KBTBD2: variants seen among roughly 807,000 people sequenced by gnomAD.
The protein encoded by KBTBD2 is kelch repeat and BTB domain-containing protein 2.
In KBTBD2, 17 loss-of-function variants were observed where a neutral mutation model predicts 57.1. The observed-to-expected ratio is 0.30, with a 90% confidence interval of 0.20 to 0.45. The LOEUF (loss-of-function observed/expected upper bound fraction) is 0.45, where lower values mean the gene tolerates loss of function less well. KBTBD2 is among the 20% of genes least tolerant of loss of function. The pLI is 1.00. For missense variants in KBTBD2, 515 were observed against 750.6 expected (o/e 0.69, Z 3.67); for synonymous variants, 267 against 262.7 (o/e 1.02, Z -0.16).
chr7:32,878,586 A>AG (rs1022753002), intron 2 of KBTBD2, among the ~76,000 whole-genome samples: 4 of 151,666 alleles, frequency 2.6e-5, no homozygotes, highest in African/African-American at 9.7e-5. Context: ...TCGTCTCAAA[A>AG]AAAAAAAACA....
At position 32,870,273 on chromosome 7, in the gene KBTBD2, T is replaced by C; in HGVS notation, c.944A>G (p.Asp315Gly). The change falls in exon 4 of 4, where the codon GAT (aspartate) becomes GGT (glycine). Residue 315 changes from aspartate (D) to glycine (G), a missense_variant. Asp to Gly is a moderately conservative substitution (Grantham distance 94). Transcript: ENST00000304056. Reference protein sequence around the residue: ...LHKVGTVVTPDNDIYIAGGQV... With the variant: ...LHKVGTVVTPGNDIYIAGGQV... ...ACCCCCTGCTATGTAGATATCATTA[T>C]CAGGAGTTACAACGGTCCCAACCTT... The C allele has an allele frequency of 6.2e-7, 1 of 1,614,204 alleles. No individual in the cohort carries two copies. The highest frequency in any genetic ancestry group is 8.5e-7 in the Non-Finnish European group (1 of 1,180,016).
At chr7:32,871,051 A>G (rs184648316) in intron 3 of KBTBD2, among the ~76,000 whole-genome samples, 171 bp from the exon 4 acceptor site, 15 of 152,336 alleles carry the variant, frequency 9.8e-5, no homozygotes, top group African/African-American at 3.6e-4. Context: ...TCAGAAGACT[A>G]TAAAATTTTG....
At chr7:32,877,075 G>A (rs2127951975) in intron 2 of KBTBD2, among the ~76,000 whole-genome samples, 1 of 152,260 alleles carries the variant, frequency 6.6e-6, no homozygotes, top group East Asian at 1.9e-4. Flanking sequence ...CTGGAGTGCA[G>A]TGGTGGTATC....
intron 1 of KBTBD2, among the ~76,000 whole-genome samples, chr7:32,887,136 A>C (rs1342700045): frequency 6.6e-6 from 1 of 152,330 alleles, no homozygotes; most frequent in South Asian, 2.1e-4. Context: ...AGGAACGAAT[A>C]AAGGATTAAA....
chr7:32,882,420 G>A (rs568621982), intron 1 of KBTBD2, among the ~76,000 whole-genome samples: 83 of 152,114 alleles, frequency 5.5e-4, no homozygotes, highest in Non-Finnish European at 1.1e-3. Context: ...TGATTTTGGG[G>A]AGGCCTCATT....
chr7:32,869,333 T>C lies in KBTBD2; in HGVS notation c.*12A>G, dbSNP rs62467365. ...GCACATAACTCAGGCGTGCACTCCC[T>C]GAACTTCCCCACTATACAGGTGGTA... is the stretch of plus-strand genomic sequence containing the variant. On this transcript the variant is annotated 3_prime_UTR_variant, in exon 4 of 4. Transcript: ENST00000304056. 0.058 allele frequency: 90,981 copies of C among 1,576,116 alleles called. 3,066 individuals carry two copies. Among genetic ancestry groups the C allele is most frequent in the East Asian group, 0.15 (6,470 of 44,562 alleles).
At position 32,877,007 on chromosome 7, in the gene KBTBD2, A is replaced by G. The variant is rs892150160; in HGVS notation, c.171-1850T>C. On this transcript the variant is annotated intron_variant, in intron 2 of 3. Coordinates refer to ENST00000304056, the MANE Select transcript of KBTBD2 (RefSeq NM_015483.3). ...ACAAAACCCACTATAAAGAGCCAAT[A>G]GGATCTGGTGCTTTTCTTTTTCTTT... 5.1e-4 allele frequency among the ~76,000 whole-genome samples: 75 copies of G among 148,254 alleles called. 1 individual carries two copies. Among genetic ancestry groups the G allele is most frequent in the African/African-American group, 1.9e-3 (74 of 38,980 alleles).
Position 32,879,843 on chromosome 7 carries a change from G to C in KBTBD2, c.-239C>G, listed in dbSNP as rs1784404634. ...TTTTTCAACACAGTCTGCAGACATT[G>C]TGCTCAAATCTGCAATTGTGCAGCT... is the stretch of plus-strand genomic sequence containing the variant. On this transcript the variant is annotated 5_prime_UTR_variant, in exon 2 of 4. Coordinates refer to ENST00000304056, the MANE Select transcript of KBTBD2 (RefSeq NM_015483.3). The C allele has an allele frequency of 2.4e-6, 1 of 420,462 alleles. No individual in the cohort carries two copies. Among genetic ancestry groups the C allele is most frequent in the African/African-American group, 2.1e-5 (1 of 48,094 alleles). 26.0% of individuals were successfully genotyped at this position (420,462 alleles called of 1,614,324 possible).
chr7:32,881,489 T>C (rs1784443265), intron 1 of KBTBD2, among the ~76,000 whole-genome samples: 1 of 151,866 alleles, frequency 6.6e-6, no homozygotes, highest in African/African-American at 2.4e-5. Flanking sequence ...CCTCACAAAA[T>C]ACCATCCATT....
At chr7:32,889,542 A>C (rs1784676354) in intron 1 of KBTBD2, among the ~76,000 whole-genome samples, 1 of 152,126 alleles carries the variant, frequency 6.6e-6, no homozygotes, top group East Asian at 1.9e-4. Flanking sequence ...CGGAGGTTGC[A>C]GTGAGCCGAG....
chr7:32,891,846 T>G (rs1236286233), upstream of KBTBD2: 3 of 101,142 alleles, frequency 3.0e-5, no homozygotes, highest in Admixed American at 8.9e-5. Flanking sequence ...CCGCGCCGCC[T>G]TGTCAGTCCG....
At chr7:32,890,697 C>G (rs896548702) in intron 1 of KBTBD2, among the ~76,000 whole-genome samples, 2 of 152,136 alleles carry the variant, frequency 1.3e-5, no homozygotes, top group Admixed American at 1.3e-4. Flanking sequence ...GAAGATAGTT[C>G]ACACACACAC....
chr7:32,878,556 G>A (rs1195349443), intron 2 of KBTBD2, among the ~76,000 whole-genome samples: 1 of 148,880 alleles, frequency 6.7e-6, no homozygotes, highest in Non-Finnish European at 1.5e-5. Flanking sequence ...CTGCACTCCA[G>A]CCTGGACAAC....
At chr7:32,873,710 G>A (rs995493561) in intron 3 of KBTBD2, among the ~76,000 whole-genome samples, 4 of 152,046 alleles carry the variant, frequency 2.6e-5, no homozygotes, top group African/African-American at 9.7e-5. Context: ...CTCCAGCCTG[G>A]GCAACAAGAG....
rs1191964478 is a variant in KBTBD2, at chr7:32,891,606, C to CGCG, written c.-412_-410dup. 6.7e-6 allele frequency: 1 copy of CGCG among 149,648 alleles called. No homozygotes were observed. The highest frequency in any genetic ancestry group is 1.5e-5 in the Non-Finnish European group (1 of 67,100). The allele number at this position is 149,648 out of a possible 1,614,324, so 9.3% of individuals were successfully genotyped here. On this transcript the variant is annotated 5_prime_UTR_variant, in exon 1 of 4. Transcript: ENST00000304056. ...CCCCGTCCACACTGGGCCCCTCCGG[C>CGCG]GCGGCGGCGGGGGCGTGGCCCTCCC...
chr7:32,886,632 G>C (rs1303988971), intron 1 of KBTBD2, among the ~76,000 whole-genome samples: 3 of 152,146 alleles, frequency 2.0e-5, no homozygotes, highest in Non-Finnish European at 4.4e-5. Context: ...GAAACCAAGA[G>C]ACAACTGTGT....
chr7:32,875,042 T>C lies in KBTBD2; in HGVS notation c.286A>G (p.Met96Val), dbSNP rs908121313. 2.0e-5 allele frequency: 33 copies of C among 1,614,184 alleles called. No individual in the cohort carries two copies. The highest frequency in any genetic ancestry group is 2.8e-5 in the Non-Finnish European group (33 of 1,180,006). The change falls in exon 3 of 4, where the codon ATG becomes GTG. Residue 96 changes from methionine (M) to valine (V), a missense_variant. Coordinates refer to ENST00000304056, the MANE Select transcript of KBTBD2 (RefSeq NM_015483.3). The stretch of plus-strand genomic sequence containing the variant: ...AGCTGTTCTACAGTGCTGTCATTCA[T>C]TGCCAAGTTACCCGTGTATGCATAA... ...ITYAYTGNLA[M>V]NDSTVEQLYE...
intron 1 of KBTBD2, among the ~76,000 whole-genome samples, chr7:32,880,199 C>T (rs894346030): frequency 2.0e-5 from 3 of 152,080 alleles, no homozygotes; most frequent in Admixed American, 6.5e-5. Context: ...ATAACGAACA[C>T]ATGAATAAGT....
chr7:32,885,456 T>TTTTTTTTTTTTTA (rs1784554280), intron 1 of KBTBD2, among the ~76,000 whole-genome samples: 1 of 129,926 alleles, frequency 7.7e-6, no homozygotes, highest in South Asian at 2.7e-4. Flanking sequence ...CTAGTGTGAG[T>TTTTTTTTTTTTTA]ACCTTTAATT....
Sources: gnomAD v4.1 joint callset for allele counts (sites outside exome capture counted in the v4.1 genomes callset) on GRCh38, gnomAD v4.1.1 for gene constraint, MANE v1.5 for transcripts, NCBI Gene and HGNC (gene_info 2026-07-23, HGNC 2026-07-21) for gene names.